LRRC69: variants seen among roughly 807,000 people sequenced by gnomAD.
The protein encoded by LRRC69 is leucine-rich repeat-containing protein 69.
In LRRC69, 42 loss-of-function variants were observed where a neutral mutation model predicts 37.8. That is an observed-to-expected ratio of 1.11 (90% CI 0.87 to 1.44). The LOEUF is 1.44. Among genes scored for constraint, LRRC69 ranks in the 40% most tolerant of loss-of-function variants. The pLI is 0.00. For synonymous variants in LRRC69, 141 were observed against 143.1 expected (o/e 0.99, Z 0.11); for missense variants, 357 against 401.9 (o/e 0.89, Z 0.96).
chr8:91,113,844 C>T (rs548937532), intron 1 of LRRC69, among the ~76,000 whole-genome samples: 4 of 151,232 alleles, frequency 2.6e-5, no homozygotes, highest in African/African-American at 7.3e-5. Flanking sequence ...ATAAGGAACT[C>T]GTGCAACTCA....
At chr8:91,147,470 A>C (rs756679293) in intron 5 of LRRC69, among the ~76,000 whole-genome samples, 6 of 151,128 alleles carry the variant, frequency 4.0e-5, no homozygotes, top group Non-Finnish European at 8.9e-5. Context: ...AGGTCTCACT[A>C]TTTTGCCCAG....
intron 5 of LRRC69, among the ~76,000 whole-genome samples, chr8:91,167,386 C>T (rs1345002279): frequency 6.6e-6 from 1 of 151,336 alleles, no homozygotes; most frequent in African/African-American, 2.4e-5. Context: ...CGAGAACAGC[C>T]CGGGAAAGAC....
intron 3 of LRRC69, among the ~76,000 whole-genome samples, 174 bp downstream of exon 3, chr8:91,127,334 C>T (rs1397708897): frequency 6.6e-6 from 1 of 151,906 alleles, no homozygotes; most frequent in Non-Finnish European, 1.5e-5. Context: ...TCCTTAAACA[C>T]TTTGGAGAAA....
In LRRC69 at chr8:91,105,890, A is replaced by G. The variant is rs1249610818; in HGVS notation, c.183+3046A>G. ...CTCAGGCACTCAGAACTGGTGATTC[A>G]GTGATGAGCAAAACAGGTGGAAATC... On this transcript the variant is annotated intron_variant, in intron 1 of 7. Transcript: ENST00000448384. 3.9e-5 allele frequency among the ~76,000 whole-genome samples: 6 copies of G among 152,038 alleles called. No homozygotes were observed. In the East Asian group the frequency reaches 1.2e-3, roughly 29 times the overall value.
chr8:91,168,042 A>C (rs1026450517), intron 5 of LRRC69, among the ~76,000 whole-genome samples: 2 of 151,924 alleles, frequency 1.3e-5, no homozygotes, highest in Non-Finnish European at 2.9e-5. Flanking sequence ...ACAGAGGTGA[A>C]TAATACAAAT....
chr8:91,164,993 AACTCCT>A (rs1363194025), intron 5 of LRRC69, among the ~76,000 whole-genome samples: 2 of 151,612 alleles, frequency 1.3e-5, no homozygotes, highest in Non-Finnish European at 2.9e-5. Context: ...ATACCTCCCT[AACTCCT>A]ATAGGCTCAC....
Position 91,206,678 on chromosome 8 carries a change from A to G in LRRC69, c.933+5886A>G, listed in dbSNP as rs1367549829. ...TCTGATGTGCTGCTACTCTTATTTC[A>G]TGTCTCTCTTTCAGAAACTACAACC... On this transcript the variant is annotated intron_variant, in intron 7 of 7. Transcript: ENST00000448384. 5 of 1,289,232 alleles carry G rather than the reference A, an allele frequency of 3.9e-6. No homozygotes were observed. In the East Asian group the frequency reaches 2.8e-4, roughly 72 times the overall value. The allele number at this position is 1,289,232 out of a possible 1,614,324, so 79.9% of individuals were successfully genotyped here. A position where few individuals can be genotyped will look rare whatever the true frequency, so the allele number is the denominator to read the frequency against.
chr8:91,157,446 G>C, intron 5 of LRRC69: 2 of 1,605,658 alleles, frequency 1.2e-6, no homozygotes, highest in East Asian at 4.5e-5. Flanking sequence ...GGCTTATTGG[G>C]CCAATGAAAA....
intron 1 of LRRC69, among the ~76,000 whole-genome samples, chr8:91,121,718 A>G (rs190104245): frequency 6.6e-6 from 1 of 152,118 alleles, no homozygotes; most frequent in Non-Finnish European, 1.5e-5. Flanking sequence ...TTACTGTGTA[A>G]GTGCCTTGAG....
intron 7 of LRRC69, among the ~76,000 whole-genome samples, chr8:91,208,356 A>T (rs1039374932): frequency 6.6e-6 from 1 of 152,180 alleles, no homozygotes; most frequent in African/African-American, 2.4e-5. Flanking sequence ...ACCTAAGGAG[A>T]TCTACTCAGT....
chr8:91,152,966 T>C (rs1446591846), intron 5 of LRRC69, among the ~76,000 whole-genome samples: 3 of 151,346 alleles, frequency 2.0e-5, no homozygotes, highest in Non-Finnish European at 3.0e-5. Context: ...ATCAGTGTGC[T>C]GTATTCAAGA....
intron 2 of LRRC69, among the ~76,000 whole-genome samples, chr8:91,125,596 A>G (rs1392160549): frequency 6.6e-6 from 1 of 151,888 alleles, no homozygotes; most frequent in African/African-American, 2.4e-5. Flanking sequence ...ACACTAAAAA[A>G]GTTAAGGTCA....
chr8:91,194,616 T>C (rs867824503), intron 6 of LRRC69, among the ~76,000 whole-genome samples: 10 of 151,986 alleles, frequency 6.6e-5, no homozygotes, highest in East Asian at 1.9e-4. Flanking sequence ...TTCTTCTAGA[T>C]TTTCTAGTTT....
At chr8:91,162,193 T>A (rs1022226170) in intron 5 of LRRC69, among the ~76,000 whole-genome samples, 1 of 151,544 alleles carries the variant, frequency 6.6e-6, no homozygotes, top group African/African-American at 2.4e-5. Context: ...CTGGAGAATG[T>A]TCCATGTGCT....
rs529284387 is a variant in LRRC69, at chr8:91,156,019, A to G, written c.651+20280A>G. On this transcript the variant is annotated intron_variant, in intron 5 of 7. Coordinates refer to ENST00000448384, the Ensembl canonical transcript of LRRC69. ...GACTACATATTGTACTACTGTAAAC[A>G]TGGGGGTGCAGATGTTTCTTTGATA... is the stretch of plus-strand genomic sequence containing the variant. Among the ~76,000 whole-genome samples, 6 of 150,236 alleles carry G rather than the reference A, an allele frequency of 4.0e-5. No individual in the cohort carries two copies. The Admixed American group carries it at 4.0e-4, about 10-fold the overall frequency.
chr8:91,157,750 C>G, intron 5 of LRRC69: 1 of 1,607,312 alleles, frequency 6.2e-7, no homozygotes, highest in Non-Finnish European at 8.5e-7. Context: ...AGGATTCCAC[C>G]TTCTACCTGG....
At chr8:91,174,556 G>A (rs188784780) in intron 5 of LRRC69, among the ~76,000 whole-genome samples, 2 of 152,286 alleles carry the variant, frequency 1.3e-5, no homozygotes, top group East Asian at 3.9e-4. Context: ...TGGAAGACAA[G>A]ATCTCACAAT....
At chr8:91,119,212 T>C (rs1809245740) in intron 1 of LRRC69, among the ~76,000 whole-genome samples, 2 of 152,076 alleles carry the variant, frequency 1.3e-5, no homozygotes, top group Non-Finnish European at 2.9e-5. Context: ...TTCTCAAAGG[T>C]AACTCTATCC....
chr8:91,178,483 A>G (rs966716949), intron 5 of LRRC69, among the ~76,000 whole-genome samples: 4 of 152,088 alleles, frequency 2.6e-5, no homozygotes, highest in Admixed American at 2.0e-4. Context: ...ATTTTCAGAC[A>G]GTACAATTAC....
Sources: gnomAD v4.1 joint callset for allele counts (sites outside exome capture counted in the v4.1 genomes callset) on GRCh38, gnomAD v4.1.1 for gene constraint, MANE v1.5 for transcripts, NCBI Gene and HGNC (gene_info 2026-07-23, HGNC 2026-07-21) for gene names.